EYS: variants seen among roughly 807,000 people sequenced by gnomAD.
EYS encodes EGF-like photoreceptor maintenance factor.
EYS carries 250 observed loss-of-function variants against 282.1 expected under a neutral mutation model. The ratio of observed to expected loss-of-function variants is 0.89; its 90% confidence interval spans 0.80 to 0.98. The LOEUF (loss-of-function observed/expected upper bound fraction) is 0.98. Among genes scored for constraint, EYS ranks in the 50% least tolerant of loss-of-function variants. The pLI, the probability that EYS is intolerant of heterozygous loss-of-function variation, is 0.00. For missense variants in EYS, 4,016 were observed against 3,709.0 expected (o/e 1.08, Z -2.15); for synonymous variants, 1,355 against 1,282.9 (o/e 1.06, Z -1.20).
chr6:64,492,174 C>T (rs1776759042), intron 26 of EYS, among the ~76,000 whole-genome samples: 1 of 150,986 alleles, frequency 6.6e-6, no homozygotes, highest in Non-Finnish European at 1.5e-5. Context: ...TATGTAATTG[C>T]TACATCAGAA....
intron 12 of EYS, among the ~76,000 whole-genome samples, chr6:65,216,189 TC>T (rs1766308241): frequency 6.6e-6 from 1 of 152,090 alleles, no homozygotes; most frequent in Admixed American, 6.6e-5. Flanking sequence ...ATTAAGTTCA[TC>T]TTTTGTTCAT....
intron 1 of EYS, among the ~76,000 whole-genome samples, chr6:65,640,888 T>A (rs1252536632): frequency 6.6e-6 from 1 of 152,174 alleles, no homozygotes; most frequent in Non-Finnish European, 1.5e-5. Flanking sequence ...AGCCACAATT[T>A]TTTTTTTACC....
At chr6:64,022,356 C>T (rs1399503207) in intron 33 of EYS, among the ~76,000 whole-genome samples, 2 of 152,168 alleles carry the variant, frequency 1.3e-5, no homozygotes, top group Admixed American at 6.5e-5. Context: ...TATCCAGAAT[C>T]TATTCATGGG....
At chr6:64,887,675 T>C (rs2150063928) in intron 18 of EYS, among the ~76,000 whole-genome samples, 1 of 152,176 alleles carries the variant, frequency 6.6e-6, no homozygotes, top group South Asian at 2.1e-4. Context: ...CCCATGCTCC[T>C]CCTTTTACTT....
At position 64,052,588 on chromosome 6, in the gene EYS, T is replaced by C. The variant is rs545073876; in HGVS notation, c.6725+13750A>G. ...CTTTTTAAACAGTACTTACCAATTA[T>C]AGCCTAACAATTTTTAAGTAATAGA... is the stretch of plus-strand genomic sequence containing the variant. On this transcript the variant is annotated intron_variant, in intron 33 of 42. Coordinates refer to ENST00000503581, the MANE Select transcript of EYS (RefSeq NM_001142800.2). 3.6e-4 allele frequency among the ~76,000 whole-genome samples: 55 copies of C among 152,300 alleles called. No individual in the cohort carries two copies. The South Asian group carries it at 3.7e-3, about 10-fold the overall frequency.
chr6:64,828,340 T>C (rs1469714894), intron 19 of EYS, among the ~76,000 whole-genome samples: 2 of 151,886 alleles, frequency 1.3e-5, no homozygotes, highest in African/African-American at 4.8e-5. Flanking sequence ...AGGAGAAATA[T>C]GTAAAGAGAT....
chr6:65,413,930 T>A (rs979915983), intron 5 of EYS, among the ~76,000 whole-genome samples: 2 of 152,078 alleles, frequency 1.3e-5, no homozygotes, highest in Admixed American at 6.6e-5. Flanking sequence ...CAGATAATGT[T>A]CTAAAATAAT....
rs190183207 is a variant in EYS at position 65,435,760 on chromosome 6, C to T, written c.863-30393G>A. Among the ~76,000 whole-genome samples the T allele has an allele frequency of 5.3e-5, 8 of 152,118 alleles. No individual in the cohort carries two copies. The East Asian group carries it at 1.5e-3, about 29-fold the overall frequency. On this transcript the variant is annotated intron_variant, in intron 5 of 42. Transcript: ENST00000503581. The stretch of plus-strand genomic sequence containing the variant: ...AATTCAGAAAGTAACTGTATTTTTA[C>T]ATAGGGCCTTTAATGATATAATTAA...
intron 4 of EYS, among the ~76,000 whole-genome samples, chr6:65,492,785 A>G (rs1212216573): frequency 6.6e-6 from 1 of 152,224 alleles, no homozygotes; most frequent in East Asian, 1.9e-4. Context: ...TTCAGTGGCT[A>G]TTATTGGTAT....
intron 19 of EYS, among the ~76,000 whole-genome samples, chr6:64,875,331 C>A (rs1766712960): frequency 6.6e-6 from 1 of 151,992 alleles, no homozygotes; most frequent in Non-Finnish European, 1.5e-5. Flanking sequence ...AAGCCCTGCA[C>A]TTTGGGAATT....
intron 5 of EYS, among the ~76,000 whole-genome samples, chr6:65,482,416 G>T (rs377038568): frequency 3.3e-5 from 5 of 152,124 alleles, no homozygotes; most frequent in Non-Finnish European, 7.4e-5. Flanking sequence ...TCTCTGCATG[G>T]CAGGGGGTTA....
At chr6:63,962,099 A>G (rs567615900) in intron 35 of EYS, among the ~76,000 whole-genome samples, 1 of 152,304 alleles carries the variant, frequency 6.6e-6, no homozygotes, top group Non-Finnish European at 1.5e-5. Context: ...ACCTTATACA[A>G]AAATTAACTC....
chr6:64,434,317 G>T (rs1218240235), intron 28 of EYS, among the ~76,000 whole-genome samples: 2 of 152,016 alleles, frequency 1.3e-5, no homozygotes, highest in Non-Finnish European at 2.9e-5. Flanking sequence ...AATTTCTGTT[G>T]TTTGAGCCAC....
At chr6:64,128,787 AT>A (rs1773869824) in intron 31 of EYS, among the ~76,000 whole-genome samples, 1 of 152,118 alleles carries the variant, frequency 6.6e-6, no homozygotes, top group African/African-American at 2.4e-5. Flanking sequence ...AATAATCATT[AT>A]GCTAATGCTT....
chr6:64,515,346 T>C (rs1777532641), intron 26 of EYS, among the ~76,000 whole-genome samples: 1 of 151,622 alleles, frequency 6.6e-6, no homozygotes. Flanking sequence ...AAAGGGAAGG[T>C]TTTAAGTATC....
chr6:64,761,861 G>A (rs1035990070), intron 22 of EYS, among the ~76,000 whole-genome samples: 71 of 152,152 alleles, frequency 4.7e-4, no homozygotes, highest in Admixed American at 1.6e-3. Flanking sequence ...TGTATAATAT[G>A]ATTTATAGAT....
At chr6:64,450,503 T>C (rs950818520) in intron 26 of EYS, among the ~76,000 whole-genome samples, 3 of 152,116 alleles carry the variant, frequency 2.0e-5, no homozygotes, top group African/African-American at 7.2e-5. Context: ...CTGCACCAAG[T>C]AGACCTAATA....
chr6:64,924,473 C>T (rs1768450037), intron 15 of EYS, among the ~76,000 whole-genome samples: 1 of 152,184 alleles, frequency 6.6e-6, no homozygotes, highest in Non-Finnish European at 1.5e-5. Context: ...ACATTAGGCT[C>T]CTTGCTACTT....
At chr6:64,862,826 A>G (rs567383635) in intron 19 of EYS, among the ~76,000 whole-genome samples, 18 of 152,146 alleles carry the variant, frequency 1.2e-4, no homozygotes, top group Non-Finnish European at 2.4e-4. Context: ...ATAAGAAATC[A>G]AAGTTAATTC....
Sources: allele counts gnomAD v4.1 joint callset (sites outside exome capture counted in the v4.1 genomes callset), GRCh38; gene constraint gnomAD v4.1.1; transcripts MANE v1.5; gene names NCBI Gene and HGNC (gene_info 2026-07-23, HGNC 2026-07-21).